The following MBD5 variants were observed in gnomAD, a reference collection of about 807,000 sequenced individuals.
MBD5 encodes methyl-CpG binding domain protein 5.
Under a neutral mutation model 117.3 loss-of-function variants are expected in MBD5, and 13 were observed. The ratio of observed to expected loss-of-function variants is 0.11; its 90% CI spans 0.07 to 0.18. MBD5 has a LOEUF of 0.18. Among genes scored for constraint, MBD5 ranks in the 10% least tolerant of loss-of-function variants. The pLI is 1.00. For missense variants in MBD5, 1,879 were observed against 2,093.8 expected, an observed-to-expected ratio of 0.90 and a Z score of 2.00; for synonymous variants, 727 against 766.4, an observed-to-expected ratio of 0.95 and a Z score of 0.85.
intron 8 of MBD5, among the ~76,000 whole-genome samples, chr2:148,474,090 C>G (rs1680882022): frequency 6.6e-6 from 1 of 152,134 alleles, no homozygotes; most frequent in Non-Finnish European, 1.5e-5. Flanking sequence ...GGAAATCCAT[C>G]AGTAGTAGAC....
At chr2:148,382,107 A>G (rs1244070695) in intron 4 of MBD5, among the ~76,000 whole-genome samples, 3 of 152,160 alleles carry the variant, frequency 2.0e-5, no homozygotes, top group African/African-American at 7.2e-5. Context: ...CGCACATAAC[A>G]ATACTAACCT....
At chr2:148,054,624 A>C (rs1055664906) in intron 1 of MBD5, 4 of 152,216 alleles carry the variant, frequency 2.6e-5, no homozygotes, top group African/African-American at 9.6e-5. Flanking sequence ...GTACATGATC[A>C]CTTTTACAGT....
At chr2:148,371,117 A>G (rs1431440132) in intron 4 of MBD5, among the ~76,000 whole-genome samples, 1 of 152,184 alleles carries the variant, frequency 6.6e-6, no homozygotes, top group South Asian at 2.1e-4. Context: ...TCAAAAAATT[A>G]TTTCTATTTT....
At chr2:148,066,197 T>G (rs1168558986) in intron 1 of MBD5, among the ~76,000 whole-genome samples, 17 of 152,066 alleles carry the variant, frequency 1.1e-4, no homozygotes, top group Non-Finnish European at 1.3e-4. Flanking sequence ...TCGCAGCTAC[T>G]TGGAAGGCTG....
At chr2:148,261,314 A>G (rs1157317974) in intron 3 of MBD5, among the ~76,000 whole-genome samples, 1 of 152,204 alleles carries the variant, frequency 6.6e-6, no homozygotes, top group African/African-American at 2.4e-5. Context: ...ATAGATAGAT[A>G]GCTGTTTCAA....
In MBD5 at chr2:148,137,286, A is replaced by G. The variant is rs570598600; in HGVS notation, c.-924-41414A>G. 6.6e-5 allele frequency among the ~76,000 whole-genome samples: 10 copies of G among 152,276 alleles called. No individual in the cohort carries two copies. The South Asian group carries it at 1.5e-3, about 22-fold the overall frequency. On this transcript the variant is annotated intron_variant, in intron 1 of 13. Transcript: ENST00000642680. ...AATGTTACTCGCTACAAATTTTTCA[A>G]TGATGACTGGTTCAAAATCTGTCAT...
intron 3 of MBD5, among the ~76,000 whole-genome samples, chr2:148,234,710 A>G (rs951023530): frequency 6.6e-6 from 1 of 152,204 alleles, no homozygotes; most frequent in Non-Finnish European, 1.5e-5. Flanking sequence ...CTTCAAAGAA[A>G]TAGATTCCAC....
intron 1 of MBD5, among the ~76,000 whole-genome samples, chr2:148,091,391 T>A (rs1281800245): frequency 6.6e-6 from 1 of 152,158 alleles, no homozygotes; most frequent in Non-Finnish European, 1.5e-5. Context: ...GGCATCACAT[T>A]ACCTGACTTC....
intron 4 of MBD5, among the ~76,000 whole-genome samples, chr2:148,439,924 A>G (rs1003400765): frequency 6.6e-6 from 1 of 152,076 alleles, no homozygotes; most frequent in Non-Finnish European, 1.5e-5. Flanking sequence ...AATTTTTTGT[A>G]GAAACAGGTT....
chr2:148,211,199 G>C (rs1699414587), intron 2 of MBD5, among the ~76,000 whole-genome samples: 2 of 152,080 alleles, frequency 1.3e-5, no homozygotes, highest in Non-Finnish European at 2.9e-5. Flanking sequence ...TTTTCTCTGT[G>C]AATTATCCTT....
chr2:148,154,116 T>TG (rs1697781683), intron 1 of MBD5, among the ~76,000 whole-genome samples: 1 of 82,166 alleles, frequency 1.2e-5, no homozygotes, highest in African/African-American at 4.1e-5. Flanking sequence ...AGATGGGTTT[T>TG]GGTGTGGATG....
intron 3 of MBD5, among the ~76,000 whole-genome samples, chr2:148,288,399 C>CAAAAAAAAAAAAAAA (rs569673565): frequency 1.1e-4 from 4 of 37,776 alleles, no homozygotes; most frequent in South Asian, 1.7e-3. Flanking sequence ...GACTCCGTCT[C>CAAAAAAAAAAAAAAA]AAAAAAAAAA....
Position 148,490,507 on chromosome 2 carries a change from A to G in MBD5, c.4875A>G (p.Gln1625=). ...TFNVGDLVWG[Q]IKGLTSWPGK... ...ATGTTGGCGACTTGGTCTGGGGCCA[A>G]ATCAAAGGACTGACTTCCTGGCCTG... Residue 1625 remains glutamine (Q), a synonymous_variant, in exon 11 of 14, where the codon CAA becomes CAG. Coordinates refer to ENST00000642680, the MANE Select transcript of MBD5 (RefSeq NM_001378120.1). 1 of 1,614,208 alleles carries G rather than the reference A, an allele frequency of 6.2e-7. No individual in the cohort carries two copies. Among genetic ancestry groups the G allele is most frequent in the East Asian group, 2.2e-5 (1 of 44,880 alleles).
At chr2:148,147,170 C>A (rs1697487443) in intron 1 of MBD5, among the ~76,000 whole-genome samples, 1 of 151,806 alleles carries the variant, frequency 6.6e-6, no homozygotes, top group Non-Finnish European at 1.5e-5. Context: ...TTGTATAAGC[C>A]ACACTTTCCT....
intron 3 of MBD5, among the ~76,000 whole-genome samples, chr2:148,311,747 T>A (rs1702037038): frequency 6.6e-6 from 1 of 152,236 alleles, no homozygotes; most frequent in African/African-American, 2.4e-5. Context: ...ATAGTGTCGA[T>A]GGACTTTACA....
intron 1 of MBD5, among the ~76,000 whole-genome samples, chr2:148,068,957 A>G (rs1352598582): frequency 6.6e-6 from 1 of 152,232 alleles, no homozygotes; most frequent in Non-Finnish European, 1.5e-5. Flanking sequence ...AGAAAATATC[A>G]CAGTTTTTTA....
At chr2:148,060,852 C>T (rs1329312091) in intron 1 of MBD5, among the ~76,000 whole-genome samples, 1 of 152,064 alleles carries the variant, frequency 6.6e-6, no homozygotes, top group Non-Finnish European at 1.5e-5. Flanking sequence ...ATCTCATTGC[C>T]TGACCATTTC....
Position 148,445,707 on chromosome 2 carries a change from G to A in MBD5, c.-556-12496G>A, listed in dbSNP as rs980204606. Among the ~76,000 whole-genome samples the A allele has an allele frequency of 7.3e-5, 11 of 151,240 alleles. 1 individual carries two copies. Among genetic ancestry groups the A allele is most frequent in the Middle Eastern group, 3.2e-3 (1 of 316 alleles). ...TCTAGTTCTAGATCCTTGAGGAATC[G>A]CCACACCGACTTCCACAATGGTTGA... On this transcript the variant is annotated intron_variant, in intron 4 of 13. Coordinates refer to ENST00000642680, the MANE Select transcript of MBD5 (RefSeq NM_001378120.1).
intron 4 of MBD5, among the ~76,000 whole-genome samples, chr2:148,362,981 A>T (rs942046380): frequency 6.6e-6 from 1 of 152,196 alleles, no homozygotes; most frequent in South Asian, 2.1e-4. Flanking sequence ...ACCCCATCTG[A>T]AGGTCACCAA....
Sources: allele counts gnomAD v4.1 joint callset (sites outside exome capture counted in the v4.1 genomes callset), GRCh38; gene constraint gnomAD v4.1.1; transcripts MANE v1.5; gene names NCBI Gene and HGNC (gene_info 2026-07-23, HGNC 2026-07-21).